The following CHST8 variants were observed in gnomAD, a reference collection of about 807,000 sequenced individuals.
CHST8 encodes GALNAC-4-ST1.
Under a neutral mutation model 15.0 loss-of-function variants are expected in CHST8, and 10 were observed. The ratio of observed to expected loss-of-function variants is 0.67; its 90% CI spans 0.41 to 1.13. The LOEUF is 1.13. Ranked by LOEUF, CHST8 falls within the 50% of genes most tolerant of loss-of-function variation. CHST8 has a pLI of 0.00. For missense variants in CHST8, 634 were observed against 608.2 expected (o/e 1.04, Z -0.45); for synonymous variants, 259 against 256.6 (o/e 1.01, Z -0.09).
intron 1 of CHST8, among the ~76,000 whole-genome samples, chr19:33,646,179 A>C (rs1568313283): frequency 6.6e-6 from 1 of 152,142 alleles, no homozygotes; most frequent in African/African-American, 2.4e-5. Flanking sequence ...AGTAGTTGGG[A>C]GATAAATTCT....
intron 3 of CHST8, among the ~76,000 whole-genome samples, chr19:33,702,694 G>A (rs977197284): frequency 2.6e-5 from 4 of 152,226 alleles, no homozygotes; most frequent in Non-Finnish European, 5.9e-5. Context: ...GAGGACCCCC[G>A]AGGGGGATGA....
intron 3 of CHST8, among the ~76,000 whole-genome samples, chr19:33,758,808 T>C (rs768993813): frequency 5.9e-5 from 9 of 152,168 alleles, no homozygotes; most frequent in Non-Finnish European, 8.8e-5. Context: ...ATTCTTGCAC[T>C]GCTATAAATA....
At chr19:33,704,562 G>T (rs569436219) in intron 3 of CHST8, among the ~76,000 whole-genome samples, 22 of 152,362 alleles carry the variant, frequency 1.4e-4, no homozygotes, top group African/African-American at 4.1e-4. Context: ...GTGCAGGAGT[G>T]TAAGTCCAGG....
chr19:33,754,106 C>G lies in CHST8; in HGVS notation c.131-17307C>G, dbSNP rs552675155. 9.6e-4 allele frequency among the ~76,000 whole-genome samples: 110 copies of G among 114,388 alleles called. 2 individuals carry two copies. Among genetic ancestry groups the G allele is most frequent in the African/African-American group, 3.7e-3 (104 of 28,280 alleles). 75.0% of individuals were successfully genotyped at this position (114,388 alleles called of 152,430 possible). ...CATCCATATGCCATCCCCACACCAT[C>G]TCCCCACTACCCTCTGTGTACCATC... On this transcript the variant is annotated intron_variant, in intron 3 of 4. Coordinates refer to ENST00000650847, the MANE Select transcript of CHST8 (RefSeq NM_001127895.2).
chr19:33,734,831 C>T (rs1450482587), intron 3 of CHST8, among the ~76,000 whole-genome samples: 1 of 152,156 alleles, frequency 6.6e-6, no homozygotes, highest in African/African-American at 2.4e-5. Flanking sequence ...GGGAAAGGCA[C>T]TACAGGGTGA....
intron 3 of CHST8, among the ~76,000 whole-genome samples, chr19:33,745,997 G>C (rs1974307240): frequency 6.6e-6 from 1 of 152,214 alleles, no homozygotes; most frequent in Non-Finnish European, 1.5e-5. Context: ...GGCGGAGACA[G>C]TTTTTCCAAA....
chr19:33,700,425 G>A (rs1268893307), intron 3 of CHST8, among the ~76,000 whole-genome samples: 1 of 152,210 alleles, frequency 6.6e-6, no homozygotes, highest in Non-Finnish European at 1.5e-5. Context: ...TTCCTGAACA[G>A]CGCCCAAGGC....
chr19:33,679,932 T>C (rs1204935461), intron 2 of CHST8, among the ~76,000 whole-genome samples: 1 of 152,162 alleles, frequency 6.6e-6, no homozygotes, highest in Admixed American at 6.5e-5. Context: ...GCAACCCACA[T>C]CCAGCTACTG....
intron 1 of CHST8, among the ~76,000 whole-genome samples, chr19:33,654,214 C>G (rs1230539642): frequency 1.3e-5 from 2 of 152,070 alleles, no homozygotes; most frequent in African/African-American, 4.8e-5. Context: ...TGCTTGTTTC[C>G]TGTAGTTTCC....
chr19:33,683,022 A>G (rs1202084296), intron 2 of CHST8, among the ~76,000 whole-genome samples: 4 of 152,220 alleles, frequency 2.6e-5, no homozygotes, highest in Non-Finnish European at 4.4e-5. Context: ...CAAGAGAAAC[A>G]GTGAGAGAGA....
intron 3 of CHST8, among the ~76,000 whole-genome samples, chr19:33,763,096 G>A (rs182937267): frequency 6.6e-6 from 1 of 152,234 alleles, no homozygotes; most frequent in East Asian, 1.9e-4. Context: ...GACCTCAGAT[G>A]ATCTGCCCGC....
intron 1 of CHST8, among the ~76,000 whole-genome samples, chr19:33,640,289 A>C (rs1203946676): frequency 2.6e-5 from 4 of 152,208 alleles, no homozygotes; most frequent in African/African-American, 9.6e-5. Context: ...TTAATGCTTA[A>C]TTATAACTAT....
At chr19:33,747,929 G>A (rs924143426) in intron 3 of CHST8, among the ~76,000 whole-genome samples, 13 of 152,092 alleles carry the variant, frequency 8.5e-5, no homozygotes, top group Admixed American at 1.3e-4. Flanking sequence ...GCACTTGCCC[G>A]CTGGGTATGA....
intron 3 of CHST8, among the ~76,000 whole-genome samples, chr19:33,712,820 T>C (rs979017110): frequency 1.3e-5 from 2 of 152,168 alleles, no homozygotes; most frequent in African/African-American, 4.8e-5. Flanking sequence ...ACTTTGGTGC[T>C]GGGATCCCCT....
At chr19:33,723,768 G>T (rs1047439234) in intron 3 of CHST8, among the ~76,000 whole-genome samples, 1 of 152,180 alleles carries the variant, frequency 6.6e-6, no homozygotes, top group Non-Finnish European at 1.5e-5. Flanking sequence ...TTCTCCTCTC[G>T]TGGGCTTCAG....
chr19:33,712,533 C>T (rs1973575364), intron 3 of CHST8, among the ~76,000 whole-genome samples: 1 of 152,086 alleles, frequency 6.6e-6, no homozygotes, highest in Non-Finnish European at 1.5e-5. Flanking sequence ...GTGCCTAGTC[C>T]CTTGATAAGT....
intron 3 of CHST8, among the ~76,000 whole-genome samples, chr19:33,733,762 C>T (rs376404909): frequency 4.6e-4 from 70 of 152,300 alleles, no homozygotes; most frequent in African/African-American, 1.1e-3. Context: ...CCTTCAGCTC[C>T]GAAAGAACAT....
chr19:33,732,066 G>T (rs1233882505), intron 3 of CHST8, among the ~76,000 whole-genome samples: 1 of 152,206 alleles, frequency 6.6e-6, no homozygotes, highest in Non-Finnish European at 1.5e-5. Context: ...GCATGAGCTT[G>T]GCCATGTGAG....
rs555738870 is a variant in CHST8 at position 33,663,861 on chromosome 19, C to T, written c.-163-3906C>T. ...CTCCAGCCTGGGTGAGAGAGTAAGA[C>T]TCCATCTCAAAAAATAAATAAATAC... On this transcript the variant is annotated intron_variant, in intron 1 of 4. Transcript: ENST00000650847. Among the ~76,000 whole-genome samples the T allele has an allele frequency of 2.7e-4, 41 of 152,162 alleles. No homozygotes were observed. The South Asian group carries it at 4.2e-3, about 15-fold the overall frequency.
Sources: allele counts gnomAD v4.1 joint callset (sites outside exome capture counted in the v4.1 genomes callset), GRCh38; gene constraint gnomAD v4.1.1; transcripts MANE v1.5; gene names NCBI Gene and HGNC (gene_info 2026-07-23, HGNC 2026-07-21).